Variants in ALOX5 observed in about 807,000 individuals in gnomAD.
The protein encoded by ALOX5 is arachidonate 5-lipoxygenase, also known as polyunsaturated fatty acid 5-lipoxygenase.
Under a neutral mutation model 87.9 loss-of-function variants are expected in ALOX5, and 64 were observed. The observed-to-expected ratio is 0.73, with a 90% confidence interval of 0.60 to 0.90. ALOX5 has a LOEUF of 0.90. ALOX5 is among the 40% of genes least tolerant of loss of function. The pLI is 0.00. For synonymous variants in ALOX5, 388 were observed against 355.1 expected (o/e 1.09, Z -1.04); for missense variants, 822 against 907.5 (o/e 0.91, Z 1.21).
At chr10:45,407,745 G>A (rs971031934) in intron 3 of ALOX5, among the ~76,000 whole-genome samples, 2 of 152,144 alleles carry the variant, frequency 1.3e-5, no homozygotes, top group Admixed American at 1.3e-4. Context: ...AGTAAGGCAG[G>A]GGAACAATCA....
intron 3 of ALOX5, among the ~76,000 whole-genome samples, chr10:45,409,589 GTCTC>G (rs1171375650): frequency 7.4e-5 from 9 of 122,206 alleles, no homozygotes; most frequent in Non-Finnish European, 1.4e-4. Context: ...CTCTCTCTCT[GTCTC>G]TCTGTCTCTC....
At chr10:45,392,935 A>G (rs937692739) in intron 2 of ALOX5, among the ~76,000 whole-genome samples, 8 of 152,328 alleles carry the variant, frequency 5.3e-5, no homozygotes, top group Middle Eastern at 3.4e-3. Flanking sequence ...GACCAATAAC[A>G]GGCTCTGAAA....
rs189601483 is a variant in ALOX5 at position 45,431,682 on chromosome 10, C to T, written c.981+2918C>T. 3.8e-3 allele frequency among the ~76,000 whole-genome samples: 573 copies of T among 152,078 alleles called. 12 individuals carry two copies. The East Asian group carries it at 0.053, about 14-fold the overall frequency. On this transcript the variant is annotated intron_variant, in intron 7 of 13. Coordinates refer to ENST00000374391, the MANE Select transcript of ALOX5 (RefSeq NM_000698.5). Reference sequence around the variant, plus strand: ...CCACCTCCCAGGTTCAAGCAATTCTCCTGCCTCAGCCTCCCGAGTAGCTGG... The same window carrying T: ...CCACCTCCCAGGTTCAAGCAATTCTTCTGCCTCAGCCTCCCGAGTAGCTGG...
intron 3 of ALOX5, among the ~76,000 whole-genome samples, chr10:45,397,516 G>T (rs75831645): frequency 6.6e-6 from 1 of 152,128 alleles, no homozygotes; most frequent in Non-Finnish European, 1.5e-5. Flanking sequence ...AGCTCAGTTA[G>T]GGAATAAAAA....
At chr10:45,434,751 G>A (rs980123800) in intron 7 of ALOX5, among the ~76,000 whole-genome samples, 1 of 152,186 alleles carries the variant, frequency 6.6e-6, no homozygotes, top group Non-Finnish European at 1.5e-5. Context: ...GCCCAGTGGG[G>A]GACAGGTGAG....
chr10:45,444,963 G>A (rs1842390855), intron 13 of ALOX5: 1 of 154,456 alleles, frequency 6.5e-6, no homozygotes, highest in South Asian at 2.1e-4. Context: ...TTCCAGCTCA[G>A]AAGCTTTGTG....
intron 4 of ALOX5, among the ~76,000 whole-genome samples, chr10:45,419,878 G>A (rs534348105): frequency 6.6e-6 from 1 of 152,356 alleles, no homozygotes; most frequent in East Asian, 1.9e-4. Flanking sequence ...GTAGCAGCAG[G>A]AGGAAGGGTG....
In ALOX5 at chr10:45,440,531, C is replaced by T. The variant is rs1358566580; in HGVS notation, c.1083C>T (p.His361=). Residue 361 remains histidine, a synonymous_variant, in exon 8 of 14, where the codon CAC becomes CAT. Transcript: ENST00000374391. The part of the protein sequence containing the change: ...AKIWVRSSDF[H]VHQTITHLLR... ...TCTGGGTGCGTTCCAGTGACTTCCA[C>T]GTCCACCAGACCATCACCCACCTTC... The T allele has an allele frequency of 7.4e-6, 12 of 1,614,098 alleles. No homozygotes were observed. Among genetic ancestry groups the T allele is most frequent in the African/African-American group, 2.7e-5 (2 of 74,936 alleles).
At chr10:45,390,923 A>C (rs954333466) in intron 2 of ALOX5, among the ~76,000 whole-genome samples, 4 of 152,222 alleles carry the variant, frequency 2.6e-5, no homozygotes, top group Admixed American at 2.6e-4. Context: ...TGAAAGGATC[A>C]ACAAAATTGA....
chr10:45,445,658 G>T lies in ALOX5; in HGVS notation c.1996G>T (p.Asp666Tyr). 6.2e-7 allele frequency: 1 copy of T among 1,613,984 alleles called. No individual in the cohort carries two copies. Among genetic ancestry groups the T allele is most frequent in the Non-Finnish European group, 8.5e-7 (1 of 1,179,974 alleles). Reference sequence around the variant, plus strand: ...GCTGCCATATTACTACTTGTCCCCAGACCGGATTCCGAACAGTGTGGCCAT... The same window carrying T: ...GCTGCCATATTACTACTTGTCCCCATACCGGATTCCGAACAGTGTGGCCAT... ...KQLPYYYLSP[D>Y]RIPNSVAI Residue 666 changes from aspartate to tyrosine, a missense_variant, in exon 14 of 14, where the codon GAC becomes TAC. Physicochemically the swap from Asp to Tyr is radical, Grantham distance 160. Coordinates refer to ENST00000374391, the MANE Select transcript of ALOX5 (RefSeq NM_000698.5).
intron 4 of ALOX5, among the ~76,000 whole-genome samples, chr10:45,413,400 T>C (rs1841146450): frequency 6.6e-6 from 1 of 152,220 alleles, no homozygotes; most frequent in African/African-American, 2.4e-5. Context: ...CAACCATTCA[T>C]GCTGAAAACT....
intron 2 of ALOX5, among the ~76,000 whole-genome samples, chr10:45,383,046 C>T (rs1259420625): frequency 6.6e-6 from 1 of 152,256 alleles, no homozygotes; most frequent in Non-Finnish European, 1.5e-5. Context: ...TGTGGCATCA[C>T]TTTCTAGTTC....
chr10:45,432,504 C>T (rs1841938807), intron 7 of ALOX5, among the ~76,000 whole-genome samples: 1 of 152,064 alleles, frequency 6.6e-6, no homozygotes, highest in Non-Finnish European at 1.5e-5. Flanking sequence ...ATGGACTCCC[C>T]CACAGAGGAA....
chr10:45,393,065 T>C (rs926355892), intron 2 of ALOX5, among the ~76,000 whole-genome samples: 3 of 152,046 alleles, frequency 2.0e-5, no homozygotes, highest in African/African-American at 7.3e-5. Flanking sequence ...ACTATTCCAA[T>C]CAATAGAAAA....
At chr10:45,380,417 G>A (rs1479175674) in intron 1 of ALOX5, among the ~76,000 whole-genome samples, 1 of 152,202 alleles carries the variant, frequency 6.6e-6, no homozygotes, top group Non-Finnish European at 1.5e-5. Flanking sequence ...ACCCCAAACT[G>A]CTCACGGTAT....
At chr10:45,431,479 C>A (rs530786185) in intron 7 of ALOX5, among the ~76,000 whole-genome samples, 33 of 151,708 alleles carry the variant, frequency 2.2e-4, no homozygotes, top group African/African-American at 7.0e-4. Context: ...ATATATTTCT[C>A]AAAAAAATCA....
chr10:45,405,056 A>G (rs1388512224), intron 3 of ALOX5, among the ~76,000 whole-genome samples: 2 of 152,068 alleles, frequency 1.3e-5, no homozygotes, highest in African/African-American at 4.8e-5. Flanking sequence ...TCCCCTATTC[A>G]CTGACGTTCA....
chr10:45,396,094 C>T (rs1840492960), intron 3 of ALOX5, among the ~76,000 whole-genome samples, 158 bp downstream of exon 3: 1 of 152,220 alleles, frequency 6.6e-6, no homozygotes, highest in South Asian at 2.1e-4. Context: ...CCCCAAACTT[C>T]ACCTTACCTA....
intron 1 of ALOX5, among the ~76,000 whole-genome samples, chr10:45,375,460 C>T (rs2132660087): frequency 6.6e-6 from 1 of 152,312 alleles, no homozygotes; most frequent in South Asian, 2.1e-4. Context: ...TTCCCTTCCA[C>T]CCCACCCCAG....
Sources: allele counts gnomAD v4.1 joint callset (sites outside exome capture counted in the v4.1 genomes callset), GRCh38; gene constraint gnomAD v4.1.1; transcripts MANE v1.5; gene names NCBI Gene and HGNC (gene_info 2026-07-23, HGNC 2026-07-21).